ARFGEF1: variants seen among roughly 807,000 people sequenced by gnomAD.
The protein encoded by ARFGEF1 is ARF guanine nucleotide exchange factor 1.
ARFGEF1 carries 42 observed loss-of-function variants against 231.0 expected under a neutral mutation model. The observed-to-expected ratio is 0.18, with a 90% CI of 0.14 to 0.24. The LOEUF is 0.24. Among genes scored for constraint, ARFGEF1 ranks in the 10% least tolerant of loss-of-function variants. The probability of loss-of-function intolerance (pLI) is 1.00; values close to 1 mark genes in which losing one functional copy is unlikely to be tolerated. For missense variants in ARFGEF1, 1,345 were observed against 2,192.0 expected, an observed-to-expected ratio of 0.61 and a Z score of 7.72; for synonymous variants, 710 against 732.3, an observed-to-expected ratio of 0.97 and a Z score of 0.49.
In ARFGEF1 at chr8:67,290,962, TA is replaced by T. The variant is rs999896645; in HGVS notation, c.916+884del. ...CTAAGTTTTGGAAAAGGCATGGTTTTAAAAAAAAAAAATCAAGAGCTGAAAA... is the reference window on the plus strand; with the variant it reads ...CTAAGTTTTGGAAAAGGCATGGTTTTAAAAAAAAAAATCAAGAGCTGAAAA... On this transcript the variant is annotated intron_variant, in intron 6 of 38. Transcript: ENST00000262215. 6.7e-4 allele frequency among the ~76,000 whole-genome samples: 100 copies of T among 148,802 alleles called. No homozygotes were observed. The East Asian group carries it at 7.1e-3, about 10-fold the overall frequency.
intron 10 of ARFGEF1, among the ~76,000 whole-genome samples, chr8:67,268,965 G>T (rs1267912588): frequency 6.6e-6 from 1 of 152,112 alleles, no homozygotes; most frequent in East Asian, 1.9e-4. Context: ...CTGGAAGAGA[G>T]AGGGAAGAAA....
chr8:67,303,192 C>G (rs1216602424), intron 1 of ARFGEF1, among the ~76,000 whole-genome samples: 1 of 151,976 alleles, frequency 6.6e-6, no homozygotes, highest in African/African-American at 2.4e-5. Flanking sequence ...GGAGGAAAAA[C>G]ACCTCAATGC....
At chr8:67,236,711 A>C (rs981910952) in intron 22 of ARFGEF1, among the ~76,000 whole-genome samples, 1 of 152,162 alleles carries the variant, frequency 6.6e-6, no homozygotes. Flanking sequence ...AGAGAAGTAC[A>C]TAACAGAGAA....
intron 29 of ARFGEF1, among the ~76,000 whole-genome samples, chr8:67,220,471 C>T (rs3780131): frequency 0.13 from 19,967 of 152,150 alleles, 2,632 homozygotes; most frequent in African/African-American, 0.34. Context: ...GGCTCATACA[C>T]AGTAGGTTCT....
intron 1 of ARFGEF1, among the ~76,000 whole-genome samples, chr8:67,318,600 A>G (rs1329246525): frequency 6.6e-6 from 1 of 152,260 alleles, no homozygotes; most frequent in Non-Finnish European, 1.5e-5. Flanking sequence ...TCATAAATGA[A>G]TTTAGCAAGG....
At chr8:67,321,760 G>A (rs1385910359) in intron 1 of ARFGEF1, among the ~76,000 whole-genome samples, 12 of 152,080 alleles carry the variant, frequency 7.9e-5, no homozygotes, top group African/African-American at 1.4e-4. Flanking sequence ...ACACCCGGCC[G>A]AGAACTTCTG....
At chr8:67,333,439 C>T (rs1309659876) in intron 1 of ARFGEF1, among the ~76,000 whole-genome samples, 1 of 151,856 alleles carries the variant, frequency 6.6e-6, no homozygotes, top group East Asian at 1.9e-4. Context: ...CCTCATCCTC[C>T]CAAGTAGCTT....
At position 67,198,361 on chromosome 8, in the gene ARFGEF1, TATA is replaced by T. The variant is rs1160738173; in HGVS notation, c.*570_*572del. 5.1e-6 allele frequency: 5 copies of T among 984,672 alleles called. No individual in the cohort carries two copies. The highest frequency in any genetic ancestry group is 6.1e-5 in the Admixed American group (1 of 16,270). 61.0% of individuals were successfully genotyped at this position (984,672 alleles called of 1,614,324 possible). ...AAAGAAAACAGTGCAGGAAGAACTA[TATA>T]ATGTTTTAAGATTTTTATATTACAG... On this transcript the variant is annotated 3_prime_UTR_variant, in exon 39 of 39. Coordinates refer to ENST00000262215, the MANE Select transcript of ARFGEF1 (RefSeq NM_006421.5).
chr8:67,187,538 A>C (rs1252459840), intron 5 of ARFGEF1, among the ~76,000 whole-genome samples: 1 of 152,168 alleles, frequency 6.6e-6, no homozygotes, highest in South Asian at 2.1e-4. Context: ...ATTTTAAATT[A>C]GCCGATGTGG....
intron 29 of ARFGEF1, among the ~76,000 whole-genome samples, chr8:67,221,806 C>CTT (rs376510677): frequency 6.8e-6 from 1 of 146,972 alleles, no homozygotes; most frequent in African/African-American, 2.5e-5. Flanking sequence ...TTTGTTGTTG[C>CTT]TTTTTTTTTT....
At chr8:67,194,000 T>A (rs1837161676), downstream of ARFGEF1, among the ~76,000 whole-genome samples, 1 of 152,196 alleles carries the variant, frequency 6.6e-6, no homozygotes, top group East Asian at 1.9e-4. Context: ...ACAAAGAAAA[T>A]TTTTACCTTC....
At chr8:67,175,377 C>A, downstream of ARFGEF1, 1 of 1,613,908 alleles carries the variant, frequency 6.2e-7, no homozygotes, top group Non-Finnish European at 8.5e-7. Context: ...CAGCAGCAAG[C>A]CCTGCTAAGA....
chr8:67,195,325 T>G (rs1291680433), downstream of ARFGEF1: 2 of 1,069,296 alleles, frequency 1.9e-6, no homozygotes, highest in Non-Finnish European at 1.5e-6. Context: ...GACCTGCGCT[T>G]ATGTCTCCTG....
chr8:67,225,049 T>A lies in ARFGEF1; in HGVS notation c.4078-16A>T, dbSNP rs758839405. The A allele has an allele frequency of 1.3e-6, 2 of 1,580,476 alleles. No homozygotes were observed. The highest frequency in any genetic ancestry group is 8.6e-7 in the Non-Finnish European group (1 of 1,166,154). On this transcript the variant is annotated splice_polypyrimidine_tract_variant and intron_variant, in intron 28 of 38. Coordinates refer to ENST00000262215, the MANE Select transcript of ARFGEF1 (RefSeq NM_006421.5). The stretch of plus-strand genomic sequence containing the variant: ...CCTTGAAAGCCTTCAAGAAAAAAGG[T>A]AGGGTTATTAAAGGCAAAACATAAC...
chr8:67,276,873 C>T (rs941797289), intron 8 of ARFGEF1, among the ~76,000 whole-genome samples: 2 of 152,070 alleles, frequency 1.3e-5, no homozygotes, highest in Admixed American at 1.3e-4. Context: ...ATGAGCATTT[C>T]CTTTGTGTAT....
intron 29 of ARFGEF1, among the ~76,000 whole-genome samples, chr8:67,224,089 G>T (rs965727767): frequency 1.3e-5 from 2 of 152,112 alleles, no homozygotes; most frequent in Non-Finnish European, 2.9e-5. Flanking sequence ...CATAAGGTGA[G>T]AAAAGAGAGA....
chr8:67,337,354 T>A (rs1016165385), intron 1 of ARFGEF1, among the ~76,000 whole-genome samples: 1 of 152,132 alleles, frequency 6.6e-6, no homozygotes, highest in East Asian at 1.9e-4. Flanking sequence ...TCCTCTACCC[T>A]GAAGCTCTGG....
chr8:67,279,831 T>C (rs78656362), intron 7 of ARFGEF1, among the ~76,000 whole-genome samples: 2,312 of 152,274 alleles, frequency 0.015, 65 homozygotes, highest in African/African-American at 0.054. Flanking sequence ...CATAAAATCA[T>C]TTGAGATATA....
chr8:67,278,018 C>T (rs576108972), intron 7 of ARFGEF1, among the ~76,000 whole-genome samples: 1 of 152,066 alleles, frequency 6.6e-6, no homozygotes, highest in Non-Finnish European at 1.5e-5. Context: ...AAATAATGAC[C>T]TACACCACTG....
Sources: allele counts gnomAD v4.1 joint callset (sites outside exome capture counted in the v4.1 genomes callset), GRCh38; gene constraint gnomAD v4.1.1; transcripts MANE v1.5; gene names NCBI Gene and HGNC (gene_info 2026-07-23, HGNC 2026-07-21).